The following GLB1L2 variants were observed in gnomAD, a reference collection of about 807,000 sequenced individuals.
GLB1L2 encodes beta-galactosidase-1-like protein 2.
A neutral mutation model predicts 84.1 loss-of-function variants in GLB1L2; 68 were observed. That is an observed-to-expected ratio of 0.81 (90% CI 0.67 to 0.99). GLB1L2 has a LOEUF of 0.99. Ranked by LOEUF, GLB1L2 falls within the 50% of genes least tolerant of loss-of-function variation. GLB1L2 has a pLI of 0.00. For synonymous variants in GLB1L2, 290 were observed against 318.0 expected (o/e 0.91, Z 0.94); for missense variants, 762 against 805.6 (o/e 0.95, Z 0.66).
chr11:134,371,678 T>C lies in GLB1L2; in HGVS notation c.1429-74T>C, dbSNP rs1015800336. On this transcript the variant is annotated intron_variant, in intron 14 of 18. Coordinates refer to ENST00000535456, the MANE Select transcript of GLB1L2 (RefSeq NM_001370461.1). The stretch of plus-strand genomic sequence containing the variant: ...CCATCCCCAGAGCGTAGGGAAGAAC[T>C]GGGGTCCACAAGCAAATTCTGAGGG... 34 of 1,447,262 alleles carry C rather than the reference T, an allele frequency of 2.3e-5. No individual in the cohort carries two copies. The African/African-American group carries it at 4.3e-4, about 18-fold the overall frequency. 89.7% of individuals were successfully genotyped at this position (1,447,262 alleles called of 1,614,324 possible). A position where few individuals can be genotyped will look rare whatever the true frequency, so the allele number is the denominator to read the frequency against.
chr11:134,347,472 T>C, intron 5 of GLB1L2, 39 bp downstream of exon 5: 1 of 1,388,790 alleles, frequency 7.2e-7, no homozygotes, highest in South Asian at 1.2e-5. Context: ...TTGGTCTGTC[T>C]TCCTCTAGGT....
At chr11:134,365,165 G>C (rs1219708993) in intron 8 of GLB1L2, 2 of 152,438 alleles carry the variant, frequency 1.3e-5, no homozygotes, top group Non-Finnish European at 2.9e-5. Flanking sequence ...TTCAGAGCAG[G>C]GGCTGTGTCC....
At chr11:134,362,462 G>A (rs1169300250) in intron 7 of GLB1L2, among the ~76,000 whole-genome samples, 1 of 152,212 alleles carries the variant, frequency 6.6e-6, no homozygotes, top group Non-Finnish European at 1.5e-5. Flanking sequence ...CTGCCACTCG[G>A]AGCGCCGGGT....
chr11:134,374,133 T>A lies in GLB1L2; in HGVS notation c.1596-12T>A. ...GGCCTCCTCCCTCTCCTTCTCTGTG[T>A]TCTGTCCTTAGGTTCGGCCTGGACA... On this transcript the variant is annotated splice_polypyrimidine_tract_variant and intron_variant, in intron 16 of 18. Coordinates refer to ENST00000535456, the MANE Select transcript of GLB1L2 (RefSeq NM_001370461.1). The A allele has an allele frequency of 6.3e-7, 1 of 1,590,990 alleles. No homozygotes were observed. The highest frequency in any genetic ancestry group is 8.6e-7 in the Non-Finnish European group (1 of 1,159,008).
intron 8 of GLB1L2, chr11:134,364,624 TGA>T (rs1943841884): frequency 1.9e-6 from 1 of 524,202 alleles, no homozygotes; most frequent in South Asian, 2.7e-5. Context: ...CCCACTGCCC[TGA>T]GAGAGGGGCC....
intron 7 of GLB1L2, among the ~76,000 whole-genome samples, chr11:134,362,059 C>A (rs1051679400): frequency 1.4e-4 from 21 of 152,188 alleles, no homozygotes; most frequent in African/African-American, 5.1e-4. Context: ...GTCCTCGGGT[C>A]TTTCGGTCAT....
At chr11:134,356,437 A>T in intron 6 of GLB1L2, 44 bp downstream of exon 6, 1 of 1,376,782 alleles carries the variant, frequency 7.3e-7, no homozygotes, top group South Asian at 1.2e-5. Context: ...CTTCCTCTGG[A>T]GTGTGCTATA....
Position 134,375,229 on chromosome 11 carries a change from A to C in GLB1L2, c.*171A>C, listed in dbSNP as rs928078676. The stretch of plus-strand genomic sequence containing the variant: ...TCTCAGCTCAAAACCCTAAGCCTGC[A>C]GGGAAAGGTGGGATGGCTCTGGGCC... On this transcript the variant is annotated 3_prime_UTR_variant, in exon 19 of 19. Transcript: ENST00000535456. 2.7e-5 allele frequency: 16 copies of C among 582,350 alleles called. No homozygotes were observed. Among genetic ancestry groups the C allele is most frequent in the Non-Finnish European group, 4.0e-5 (13 of 328,680 alleles). The allele number at this position is 582,350 out of a possible 1,614,324, so 36.1% of individuals were successfully genotyped here.
In GLB1L2 at chr11:134,373,041, C is replaced by G. The variant is rs144904349; in HGVS notation, c.1508-680C>G. Reference sequence around the variant, plus strand: ...GGATCACAGTTCAATGTTTATAAGTCACAGACCTCCCTTGAGAAATGCGCG... The same window carrying G: ...GGATCACAGTTCAATGTTTATAAGTGACAGACCTCCCTTGAGAAATGCGCG... On this transcript the variant is annotated intron_variant, in intron 15 of 18. Coordinates refer to ENST00000535456, the MANE Select transcript of GLB1L2 (RefSeq NM_001370461.1). Among the ~76,000 whole-genome samples, 304 of 152,324 alleles carry G rather than the reference C, an allele frequency of 2.0e-3. 1 individual carries two copies. Among genetic ancestry groups the G allele is most frequent in the African/African-American group, 7.1e-3 (294 of 41,562 alleles).
At chr11:134,373,133 C>T (rs778267716) in intron 15 of GLB1L2, among the ~76,000 whole-genome samples, 6 of 152,192 alleles carry the variant, frequency 3.9e-5, no homozygotes, top group African/African-American at 9.7e-5. Flanking sequence ...CCACAGTCCT[C>T]GGCCTCCAAA....
Position 134,374,210 on chromosome 11 carries a change from G to C in GLB1L2, c.1661G>C (p.Ser554Thr). 6.2e-7 allele frequency: 1 copy of C among 1,614,160 alleles called. No individual in the cohort carries two copies. The highest frequency in any genetic ancestry group is 8.5e-7 in the Non-Finnish European group (1 of 1,179,994). The change falls in exon 17 of 19, where the codon AGC becomes ACC. Residue 554 changes from serine (S) to threonine (T), a missense_variant. Transcript: ENST00000535456. ...TPTLPAFFLGSLSISSTPCDT... is the reference protein window; with the variant it reads ...TPTLPAFFLGTLSISSTPCDT... ...ACATTACCTGCTTTCTTCTTGGGTA[G>C]CTTGTCCATCAGCTCCACCCCTTGT...
At position 134,371,802 on chromosome 11, in the gene GLB1L2, T is replaced by G. The variant is rs546493549; in HGVS notation, c.1479T>G (p.Tyr493Ter). The G allele has an allele frequency of 6.2e-7, 1 of 1,614,078 alleles. No individual in the cohort carries two copies. Among genetic ancestry groups the G allele is most frequent in the East Asian group, 2.2e-5 (1 of 44,866 alleles). ...ILVENRGRVN[Y>*]GENIDDQRKG... ...TGGAGAATCGTGGGCGAGTCAACTA[T>G]GGGGAGAATATTGATGACCAGCGCA... The change falls in exon 15 of 19, where the codon TAT becomes TAG. Residue 493 changes from tyrosine to a stop codon, truncating the protein, a stop_gained. Coordinates refer to ENST00000535456, the MANE Select transcript of GLB1L2 (RefSeq NM_001370461.1). LOFTEE classifies it high-confidence loss of function.
rs939945511 is a variant in GLB1L2 at position 134,370,946 on chromosome 11, G to A, written c.1216-62G>A. The A allele has an allele frequency of 2.5e-6, 4 of 1,591,376 alleles. No individual in the cohort carries two copies. In the African/African-American group the frequency reaches 4.0e-5, roughly 16 times the overall value. ...CACCCCATGTGCCAGCCCCCAGGCA[G>A]AGTCTGTCTGTGACCCCACTCCTCC... On this transcript the variant is annotated intron_variant, in intron 12 of 18. Coordinates refer to ENST00000535456, the MANE Select transcript of GLB1L2 (RefSeq NM_001370461.1). The surrounding 1 kb of genome is among the most constrained non-coding windows in gnomAD (Gnocchi z 4.7).
At position 134,339,913 on chromosome 11, in the gene GLB1L2, G is replaced by A. The variant is rs1050765331; in HGVS notation, c.87-2841G>A. 2.0e-5 allele frequency among the ~76,000 whole-genome samples: 3 copies of A among 152,186 alleles called. No homozygotes were observed. The highest frequency in any genetic ancestry group is 7.2e-5 in the African/African-American group (3 of 41,440). ...TGTCTGCACTTTGAGTCAGGCGGCT[G>A]TGACCCTGAGGGAGTTCAGAGGTGT... On this transcript the variant is annotated intron_variant, in intron 1 of 18. Transcript: ENST00000535456. This position sits in a 1 kb window ranked among gnomAD's most constrained non-coding sequence, Gnocchi z 5.7.
At position 134,374,811 on chromosome 11, in the gene GLB1L2, G is replaced by A. The variant is rs538712416; in HGVS notation, c.1824+93G>A. ...GGTCAGGGTGGAGGGGCGTGTCAGC[G>A]GGTTCTTCCTCCCTCCTCCTCGCTG... On this transcript the variant is annotated intron_variant, in intron 18 of 18. Transcript: ENST00000535456. The A allele has an allele frequency of 2.0e-4, 244 of 1,193,798 alleles. No homozygotes were observed. In the East Asian group the frequency reaches 4.6e-3, roughly 23 times the overall value. 74.0% of individuals were successfully genotyped at this position (1,193,798 alleles called of 1,614,324 possible). A position where few individuals can be genotyped will look rare whatever the true frequency, so the allele number is the denominator to read the frequency against.
chr11:134,351,086 G>T (rs78782546), intron 5 of GLB1L2, among the ~76,000 whole-genome samples: 5,125 of 152,288 alleles, frequency 0.034, 422 homozygotes, highest in East Asian at 0.32. Flanking sequence ...CTGAAAGCAC[G>T]AATGCTTGGT....
chr11:134,346,824 G>GAGCTC (rs201934107), intron 4 of GLB1L2: 2,189 of 166,004 alleles, frequency 0.013, 55 homozygotes, highest in African/African-American at 0.049. Flanking sequence ...GCTCTGGGCT[G>GAGCTC]TGCGCCACTG....
Position 134,344,420 on chromosome 11 carries a change from A to G in GLB1L2, c.318A>G (p.Arg106=). 6.2e-7 allele frequency: 1 copy of G among 1,613,282 alleles called. No homozygotes were observed. The highest frequency in any genetic ancestry group is 8.5e-7 in the Non-Finnish European group (1 of 1,180,028). The change falls in exon 3 of 19, where the codon AGA becomes AGG. Residue 106 remains arginine, a synonymous_variant. Transcript: ENST00000535456. The part of the protein sequence containing the change: ...YVPWNLHEPE[R]GKFDFSGNLD... ...CGTGGAACCTGCATGAGCCAGAAAG[A>G]GGCAAATTTGACTTCTCTGGGAACC...
intron 15 of GLB1L2, among the ~76,000 whole-genome samples, chr11:134,372,211 A>G (rs944183065): frequency 7.2e-5 from 11 of 152,196 alleles, no homozygotes; most frequent in African/African-American, 2.7e-4. Context: ...TTGGGCCTCC[A>G]CACTGAAGTT....
Sources: allele counts gnomAD v4.1 joint callset (sites outside exome capture counted in the v4.1 genomes callset), GRCh38; gene constraint gnomAD v4.1.1; non-coding constraint Gnocchi (gnomAD v3.1); transcripts MANE v1.5; gene names NCBI Gene and HGNC (gene_info 2026-07-23, HGNC 2026-07-21).